The following COPB1 variants were observed in gnomAD, a reference collection of about 807,000 sequenced individuals.
COPB1 encodes coat protein complex I subunit beta 1, also known as coatomer subunit beta.
In COPB1, 21 loss-of-function variants were observed where a neutral mutation model predicts 108.7. That is an observed-to-expected ratio of 0.19 (90% confidence interval 0.14 to 0.28). COPB1 has a LOEUF of 0.28. Among genes scored for constraint, COPB1 ranks in the 10% least tolerant of loss-of-function variants. COPB1 has a pLI of 1.00. For missense variants in COPB1, 919 were observed against 1,141.3 expected, an observed-to-expected ratio of 0.81 and a Z score of 2.81; for synonymous variants, 378 against 386.8, an observed-to-expected ratio of 0.98 and a Z score of 0.27.
At chr11:14,480,148 TGA>T (rs1850630123) in intron 10 of COPB1, among the ~76,000 whole-genome samples, 1 of 152,222 alleles carries the variant, frequency 6.6e-6, no homozygotes, top group Admixed American at 6.5e-5. Flanking sequence ...AAATGTAAAT[TGA>T]GAGACAAGTA....
chr11:14,486,180 G>A (rs1224369584), intron 7 of COPB1, among the ~76,000 whole-genome samples, 187 bp downstream of exon 7: 1 of 152,184 alleles, frequency 6.6e-6, no homozygotes, highest in African/African-American at 2.4e-5. Flanking sequence ...CTATATATGT[G>A]TGTATGAAAG....
intron 11 of COPB1, among the ~76,000 whole-genome samples, chr11:14,477,429 C>T (rs1208838213): frequency 1.3e-5 from 2 of 148,598 alleles, no homozygotes; most frequent in African/African-American, 2.5e-5. Flanking sequence ...CGGTGGCTCA[C>T]GCCTGTAATC....
intron 14 of COPB1, among the ~76,000 whole-genome samples, chr11:14,473,817 G>T (rs1850460912): frequency 6.7e-6 from 1 of 148,316 alleles, no homozygotes; most frequent in Admixed American, 6.9e-5. Context: ...TCAACTCAGG[G>T]TTCCCACAAA....
chr11:14,469,141 C>T (rs1370072209), intron 15 of COPB1, among the ~76,000 whole-genome samples, 195 bp downstream of exon 15: 1 of 152,104 alleles, frequency 6.6e-6, no homozygotes, highest in Non-Finnish European at 1.5e-5. Flanking sequence ...ATGACAGGCA[C>T]ATACCACCAT....
chr11:14,499,045 T>G, intron 1 of COPB1, 60 bp from the exon 2 acceptor site: 1 of 777,770 alleles, frequency 1.3e-6, no homozygotes, highest in African/African-American at 1.8e-5. Context: ...CACAAACAAG[T>G]ACCTATAGTG....
chr11:14,470,826 C>A (rs1281390015), intron 14 of COPB1, among the ~76,000 whole-genome samples: 1 of 151,594 alleles, frequency 6.6e-6, no homozygotes, highest in African/African-American at 2.4e-5. Context: ...TGAAGAAAAC[C>A]ACACTAAGGC....
chr11:14,475,660 C>A (rs1320243981), intron 13 of COPB1, 125 bp downstream of exon 13: 5 of 968,536 alleles, frequency 5.2e-6, no homozygotes, highest in Admixed American at 3.3e-5. Context: ...TTCTCAAGTA[C>A]CTTAAATGGC....
chr11:14,466,066 C>T (rs1238601843), intron 17 of COPB1, among the ~76,000 whole-genome samples: 2 of 152,130 alleles, frequency 1.3e-5, no homozygotes, highest in Non-Finnish European at 2.9e-5. Context: ...TAAATGAATC[C>T]ACCTGAATGT....
At chr11:14,483,262 C>CACA in intron 7 of COPB1, 111 bp from the exon 8 acceptor site, 1 of 552,650 alleles carries the variant, frequency 1.8e-6, no homozygotes, top group African/African-American at 1.9e-5. Context: ...ACACACACTC[C>CACA]CATGAAGCCA....
In COPB1 at chr11:14,466,430, T is replaced by C. The variant is rs1002162340; in HGVS notation, c.2146-4A>G. On this transcript the variant is annotated splice_region_variant and splice_polypyrimidine_tract_variant and intron_variant, in intron 16 of 21. Transcript: ENST00000439561. Reference sequence around the variant, plus strand: ...AGAAACCTGTCAATTGGGTGACCTGTCAAAACAAAAACAAAGACATAATCA... The same window carrying C: ...AGAAACCTGTCAATTGGGTGACCTGCCAAAACAAAAACAAAGACATAATCA... 3 of 1,608,124 alleles carry C rather than the reference T, an allele frequency of 1.9e-6. No homozygotes were observed. The highest frequency in any genetic ancestry group is 2.7e-5 in the African/African-American group (2 of 74,808).
Position 14,461,308 on chromosome 11 carries a change from T to A in COPB1, c.2434A>T (p.Ser812Cys), listed in dbSNP as rs1261161782. Residue 812 changes from serine to cysteine, a missense_variant, in exon 19 of 22, where the codon AGT (serine) becomes TGT (cysteine). Coordinates refer to ENST00000439561, the MANE Select transcript of COPB1 (RefSeq NM_001144061.2). ...NIVYDVSGAASDRNCVVLSDI... is the reference protein window; with the variant it reads ...NIVYDVSGAACDRNCVVLSDI... ...CTGAGAACCACACAATTTCTGTCAC[T>A]TGCTGCTCCAGAGACATCATAAACT... 1 of 1,614,118 alleles carries A rather than the reference T, an allele frequency of 6.2e-7. No individual in the cohort carries two copies. Among genetic ancestry groups the A allele is most frequent in the Non-Finnish European group, 8.5e-7 (1 of 1,180,008 alleles).
intron 17 of COPB1, 79 bp from the exon 18 acceptor site, chr11:14,465,109 A>ACACT (rs1850258187): frequency 3.0e-6 from 4 of 1,345,370 alleles, no homozygotes; most frequent in Admixed American, 2.6e-5. Context: ...ACACACACAC[A>ACACT]CTAACCATAA....
At chr11:14,492,008 T>C (rs917134038) in intron 4 of COPB1, among the ~76,000 whole-genome samples, 1 of 152,242 alleles carries the variant, frequency 6.6e-6, no homozygotes, top group African/African-American at 2.4e-5. Flanking sequence ...TCAACAATTA[T>C]AATTCATAGC....
intron 2 of COPB1, among the ~76,000 whole-genome samples, chr11:14,495,696 A>C (rs1030943515): frequency 6.6e-6 from 1 of 152,170 alleles, no homozygotes. Flanking sequence ...ATATACATTA[A>C]ACTGGAGAGT....
intron 16 of COPB1, 37 bp downstream of exon 16, chr11:14,468,644 A>AG: frequency 6.3e-7 from 1 of 1,589,116 alleles, no homozygotes; most frequent in Non-Finnish European, 8.6e-7. Flanking sequence ...TAAGGAGTCG[A>AG]TTTAAATAAT....
chr11:14,457,652 CTA>C lies in COPB1; in HGVS notation c.*170_*171del. ...CAGAACTGTTAAGACAAAAGACAAA[CTA>C]TAATTTTAAACTCAATCTTGATTTA... is the stretch of plus-strand genomic sequence containing the variant. On this transcript the variant is annotated 3_prime_UTR_variant, in exon 22 of 22. Coordinates refer to ENST00000439561, the MANE Select transcript of COPB1 (RefSeq NM_001144061.2). 1 of 581,990 alleles carries C rather than the reference CTA, an allele frequency of 1.7e-6. No homozygotes were observed. The highest frequency in any genetic ancestry group is 3.1e-5 in the East Asian group (1 of 32,532). The allele number at this position is 581,990 out of a possible 1,614,324, so 36.1% of individuals were successfully genotyped here.
chr11:14,491,587 T>C (rs1043030914), intron 4 of COPB1, among the ~76,000 whole-genome samples: 1 of 151,562 alleles, frequency 6.6e-6, no homozygotes, highest in African/African-American at 2.4e-5. Context: ...GAGAATTGCT[T>C]GAACCTGGGA....
intron 20 of COPB1, among the ~76,000 whole-genome samples, chr11:14,459,211 A>C (rs1458492077): frequency 6.6e-6 from 1 of 151,376 alleles, no homozygotes; most frequent in Non-Finnish European, 1.5e-5. Flanking sequence ...ATGTTAAATA[A>C]ATAGTTCTTA....
In COPB1 at chr11:14,483,029, T is replaced by TA; in HGVS notation, c.957+2dup. 6.4e-7 allele frequency: 1 copy of TA among 1,550,388 alleles called. No homozygotes were observed. The highest frequency in any genetic ancestry group is 2.3e-5 in the East Asian group (1 of 43,864). ...GGATCTCTCTTTTTCAGATAACACT[T>TA]ACCTGTAGTACTCGTTCATGAGCAG... On this transcript the variant is annotated splice_region_variant and intron_variant, in intron 8 of 21. Transcript: ENST00000439561.
Sources: allele counts gnomAD v4.1 joint callset (sites outside exome capture counted in the v4.1 genomes callset), GRCh38; gene constraint gnomAD v4.1.1; transcripts MANE v1.5; gene names NCBI Gene and HGNC (gene_info 2026-07-23, HGNC 2026-07-21).